The following EDA2R variants were observed in gnomAD, a reference collection of about 807,000 sequenced individuals.
EDA2R encodes the protein ectodysplasin A2 receptor, also known as tumor necrosis factor receptor superfamily member 27.
EDA2R carries 26 observed loss-of-function variants against 20.1 expected under a neutral mutation model. The ratio of observed to expected loss-of-function variants is 1.30; its 90% CI spans 0.95 to 1.80. The LOEUF (loss-of-function observed/expected upper bound fraction) is 1.80. Ranked by LOEUF, EDA2R falls within the 40% of genes most tolerant of loss-of-function variation. EDA2R has a pLI of 0.00. For missense variants in EDA2R, 277 were observed against 228.7 expected, an observed-to-expected ratio of 1.21 and a Z score of -1.36; for synonymous variants, 114 against 88.7, an observed-to-expected ratio of 1.29 and a Z score of -1.60.
In EDA2R at chrX:66,598,091, G is replaced by T; in HGVS notation, c.*13C>A. The T allele has an allele frequency of 1.1e-6, 1 of 934,861 alleles. No homozygotes were observed. Among genetic ancestry groups the T allele is most frequent in the African/African-American group, 2.0e-5 (1 of 49,976 alleles). The allele number at this position is 934,861 out of a possible 1,213,427, so 77.0% of individuals were successfully genotyped here. The stretch of plus-strand genomic sequence containing the variant: ...GGGCAAGGCTGCCAGGGGCCCAAGA[G>T]ACCTAAGGAGAGAGCAAACCAAGTT... On this transcript the variant is annotated splice_region_variant and 3_prime_UTR_variant, in exon 7 of 7. Transcript: ENST00000374719.
intron 2 of EDA2R, among the ~76,000 whole-genome samples, chrX:66,611,397 G>A (rs1238536923): frequency 8.9e-6 from 1 of 111,960 alleles, no homozygotes; most frequent in Admixed American, 9.5e-5. Flanking sequence ...ATGTTGGAAT[G>A]ATTGAACAAG....
At position 66,604,413 on chromosome X, in the gene EDA2R, G is replaced by A. The variant is rs754098573; in HGVS notation, c.352+8C>T. 5.8e-6 allele frequency: 7 copies of A among 1,204,901 alleles called. No homozygotes were observed. Among genetic ancestry groups the A allele is most frequent in the South Asian group, 1.8e-5 (1 of 55,589 alleles). ...AGGAGAAAGGGAAGAAGAGAACTGGGTACACACATTGAACCTCAGAGGTGG... is the reference window on the plus strand; with the variant it reads ...AGGAGAAAGGGAAGAAGAGAACTGGATACACACATTGAACCTCAGAGGTGG... On this transcript the variant is annotated splice_region_variant and intron_variant, in intron 4 of 6. Coordinates refer to ENST00000374719, the MANE Select transcript of EDA2R (RefSeq NM_021783.5).
At chrX:66,604,996 C>A (rs35787390) in intron 3 of EDA2R, 52 bp downstream of exon 3, 3 of 1,083,519 alleles carry the variant, frequency 2.8e-6, no homozygotes, top group Non-Finnish European at 3.7e-6. Flanking sequence ...TGGGAGAAAC[C>A]TCCAACAGCT....
At chrX:66,631,810 G>A (rs988299499) in intron 1 of EDA2R, among the ~76,000 whole-genome samples, 1 of 111,779 alleles carries the variant, frequency 8.9e-6, no homozygotes, top group Non-Finnish European at 1.9e-5. Context: ...CATGAGAAGC[G>A]TGAAAGGAGC....
chrX:66,612,518 C>T (rs1918863978), intron 2 of EDA2R, among the ~76,000 whole-genome samples: 1 of 110,290 alleles, frequency 9.1e-6, no homozygotes, highest in African/African-American at 3.3e-5. Context: ...TACTCAGAAC[C>T]ACCTCTAAAA....
intron 2 of EDA2R, among the ~76,000 whole-genome samples, chrX:66,614,120 A>G (rs1373048387): frequency 9.0e-6 from 1 of 111,597 alleles, no homozygotes. Context: ...AATCTGTTGG[A>G]CAGCTTCTGG....
chrX:66,636,140 C>A (rs1465915429), intron 1 of EDA2R, among the ~76,000 whole-genome samples: 1 of 111,494 alleles, frequency 9.0e-6, no homozygotes, highest in South Asian at 3.8e-4. Flanking sequence ...GGCTCAAGCC[C>A]TCCTCTCGCC....
At chrX:66,635,653 C>T (rs917125083) in intron 1 of EDA2R, among the ~76,000 whole-genome samples, 2 of 112,120 alleles carry the variant, frequency 1.8e-5, no homozygotes, top group Non-Finnish European at 3.8e-5. Context: ...CTATCTATCA[C>T]CTTAAACCCT....
At chrX:66,620,924 A>G (rs1386764437) in intron 1 of EDA2R, among the ~76,000 whole-genome samples, 2 of 105,837 alleles carry the variant, frequency 1.9e-5, no homozygotes, top group Non-Finnish European at 3.9e-5. Flanking sequence ...AAAGGGAATG[A>G]AAATGAAAAC....
intron 3 of EDA2R, among the ~76,000 whole-genome samples, chrX:66,604,768 C>A (rs1929343218): frequency 9.0e-6 from 1 of 111,503 alleles, no homozygotes; most frequent in African/African-American, 3.3e-5. Flanking sequence ...CCAAGTACAT[C>A]ATAACTTCTT....
chrX:66,599,895 A>G (rs766083830), intron 5 of EDA2R, 35 bp from the exon 6 acceptor site: 1 of 1,186,975 alleles, frequency 8.4e-7, no homozygotes, highest in Non-Finnish European at 1.1e-6. Context: ...TGGGTTACCC[A>G]AAAGCAGGGG....
intron 2 of EDA2R, among the ~76,000 whole-genome samples, chrX:66,606,741 A>C (rs777883830): frequency 1.8e-5 from 2 of 112,420 alleles, no homozygotes; most frequent in Non-Finnish European, 3.8e-5. Context: ...TGGAAGTCTT[A>C]AAGTAGCCTC....
At chrX:66,635,880 A>G (rs1419044492) in intron 1 of EDA2R, among the ~76,000 whole-genome samples, 1 of 111,925 alleles carries the variant, frequency 8.9e-6, no homozygotes, top group Non-Finnish European at 1.9e-5. Context: ...TATTTAGCAC[A>G]TAGTGGAAAA....
At chrX:66,599,060 G>A (rs1400182436) in intron 6 of EDA2R, among the ~76,000 whole-genome samples, 1 of 112,116 alleles carries the variant, frequency 8.9e-6, no homozygotes, top group East Asian at 2.8e-4. Context: ...TACACACAAG[G>A]TTTGTATAGT....
At chrX:66,630,820 T>TACACACACACAC (rs780295995) in intron 1 of EDA2R, among the ~76,000 whole-genome samples, 1 of 39,530 alleles carries the variant, frequency 2.5e-5, no homozygotes, top group African/African-American at 6.0e-5. Flanking sequence ...CATATATATA[T>TACACACACACAC]ATACACACAC....
chrX:66,623,326 T>C lies in EDA2R; in HGVS notation c.-10-7296A>G, dbSNP rs752821758. Among the ~76,000 whole-genome samples the C allele has an allele frequency of 2.7e-5, 3 of 111,994 alleles. No individual in the cohort carries two copies. In the South Asian group the frequency reaches 1.1e-3, roughly 42 times the overall value. On this transcript the variant is annotated intron_variant, in intron 1 of 6. Coordinates refer to ENST00000374719, the MANE Select transcript of EDA2R (RefSeq NM_021783.5). ...TGTTGAGGGAGAAACCCAAGGTCTA[T>C]CCATTTTTTTCTAGGGAGAATAGAA...
At chrX:66,610,846 C>T (rs1367807516) in intron 2 of EDA2R, among the ~76,000 whole-genome samples, 2 of 111,449 alleles carry the variant, frequency 1.8e-5, no homozygotes, top group Non-Finnish European at 3.8e-5. Flanking sequence ...CCACACACAA[C>T]TAGAGACAAT....
At chrX:66,628,710 A>T (rs975200999) in intron 1 of EDA2R, among the ~76,000 whole-genome samples, 1 of 110,321 alleles carries the variant, frequency 9.1e-6, no homozygotes. Flanking sequence ...ATTACCAAAA[A>T]AAAAAAAAAA....
At position 66,604,516 on chromosome X, in the gene EDA2R, G is replaced by C. The variant is rs1929289260; in HGVS notation, c.267-10C>G. 4.2e-6 allele frequency: 5 copies of C among 1,195,281 alleles called. No individual in the cohort carries two copies. In the South Asian group the frequency reaches 9.2e-5, roughly 22 times the overall value. On this transcript the variant is annotated splice_polypyrimidine_tract_variant and intron_variant, in intron 3 of 6. Coordinates refer to ENST00000374719, the MANE Select transcript of EDA2R (RefSeq NM_021783.5). The stretch of plus-strand genomic sequence containing the variant: ...TGTCTTTCGGTAGAACCTGTGTTCA[G>C]AGCAATTAGGAATGGCAGGGTGATC...
Sources: gnomAD v4.1 joint callset for allele counts (sites outside exome capture counted in the v4.1 genomes callset) on GRCh38, gnomAD v4.1.1 for gene constraint, MANE v1.5 for transcripts, NCBI Gene and HGNC (gene_info 2026-07-23, HGNC 2026-07-21) for gene names.